ZNF664: variants seen among roughly 807,000 people sequenced by gnomAD.
ZNF664 encodes zinc finger protein 664, also known as zinc finger Organ of Corti 1.
A neutral mutation model predicts 18.2 loss-of-function variants in ZNF664; 10 were observed. That is an observed-to-expected ratio of 0.55 (90% confidence interval 0.34 to 0.93). ZNF664 has a LOEUF of 0.93. Among genes scored for constraint, ZNF664 ranks in the 40% least tolerant of loss-of-function variants. The pLI is 0.02. For missense variants in ZNF664, 193 were observed against 319.0 expected (o/e 0.61, Z 3.01); for synonymous variants, 119 against 104.2 (o/e 1.14, Z -0.86).
chr12:124,011,104 T>G (rs1339588091), intron 3 of ZNF664, among the ~76,000 whole-genome samples: 4 of 152,238 alleles, frequency 2.6e-5, no homozygotes, highest in Non-Finnish European at 1.5e-5. Flanking sequence ...TACTTATTCT[T>G]TCTATAGATT....
chr12:124,003,190 A>G (rs774873594), intron 3 of ZNF664, among the ~76,000 whole-genome samples: 2 of 152,196 alleles, frequency 1.3e-5, no homozygotes, highest in Non-Finnish European at 2.9e-5. Flanking sequence ...GAATGGACCT[A>G]TAGCTAGGAT....
At chr12:123,998,906 CTG>C (rs1157606234) in intron 3 of ZNF664, among the ~76,000 whole-genome samples, 2 of 152,292 alleles carry the variant, frequency 1.3e-5, no homozygotes, top group East Asian at 3.9e-4. Context: ...TCTTCCAAGT[CTG>C]TGTCAGGGTG....
chr12:123,983,438 T>C (rs1956789403), intron 2 of ZNF664, among the ~76,000 whole-genome samples: 1 of 152,246 alleles, frequency 6.6e-6, no homozygotes, highest in African/African-American at 2.4e-5. Context: ...GTAAAGCTAT[T>C]CTAGAACTCA....
chr12:123,985,146 A>C (rs1201525103), intron 2 of ZNF664, among the ~76,000 whole-genome samples: 1 of 151,910 alleles, frequency 6.6e-6, no homozygotes, highest in African/African-American at 2.4e-5. Flanking sequence ...AAGTGAGAAG[A>C]GTGAATTGGT....
At chr12:123,977,885 A>C (rs1032762956) in intron 2 of ZNF664, among the ~76,000 whole-genome samples, 2 of 152,194 alleles carry the variant, frequency 1.3e-5, no homozygotes, top group East Asian at 3.8e-4. Flanking sequence ...CCCTGAGTCT[A>C]AAGAAAATGT....
chr12:124,011,805 C>G lies in ZNF664; in HGVS notation c.-340C>G. On this transcript the variant is annotated 5_prime_UTR_variant, in exon 5 of 5. Coordinates refer to ENST00000337815, the MANE Select transcript of ZNF664 (RefSeq NM_152437.3). ...CTCTACAAGAGGAAGATTCCAGGGG[C>G]TCAAAAACGCAAAGGTTTGCACTTT... The G allele has an allele frequency of 1.8e-6, 2 of 1,115,366 alleles. No individual in the cohort carries two copies. The highest frequency in any genetic ancestry group is 2.2e-6 in the Non-Finnish European group (2 of 917,006). 69.1% of individuals were successfully genotyped at this position (1,115,366 alleles called of 1,614,324 possible).
intron 2 of ZNF664, among the ~76,000 whole-genome samples, chr12:123,984,654 T>C (rs1279594656): frequency 2.0e-4 from 30 of 152,032 alleles, no homozygotes; most frequent in Admixed American, 2.0e-3. Flanking sequence ...GTTCTTTGCC[T>C]GGGAGATCTG....
At chr12:123,978,957 G>C (rs1317713489) in intron 2 of ZNF664, among the ~76,000 whole-genome samples, 2 of 152,242 alleles carry the variant, frequency 1.3e-5, no homozygotes, top group East Asian at 1.9e-4. Flanking sequence ...TATTTAGAAA[G>C]AAAGATCCTA....
At chr12:123,993,297 G>A (rs1240849391) in intron 3 of ZNF664, among the ~76,000 whole-genome samples, 1 of 152,174 alleles carries the variant, frequency 6.6e-6, no homozygotes, top group Non-Finnish European at 1.5e-5. Context: ...GGAATGTGAA[G>A]GGCCTCTTTG....
At chr12:124,007,853 T>G (rs1047728410) in intron 3 of ZNF664, among the ~76,000 whole-genome samples, 1 of 152,218 alleles carries the variant, frequency 6.6e-6, no homozygotes, top group Non-Finnish European at 1.5e-5. Flanking sequence ...TTTTGTTTGT[T>G]TGCTGAAGCA....
At chr12:123,991,770 C>CT (rs1386476924) in intron 3 of ZNF664, among the ~76,000 whole-genome samples, 4 of 152,198 alleles carry the variant, frequency 2.6e-5, no homozygotes, top group Admixed American at 2.6e-4. Flanking sequence ...TGAAGGAAAG[C>CT]TACAGAATGG....
chr12:123,978,153 T>C (rs1169094030), intron 2 of ZNF664, among the ~76,000 whole-genome samples: 1 of 152,034 alleles, frequency 6.6e-6, no homozygotes, highest in African/African-American at 2.4e-5. Context: ...AAATTTATTC[T>C]TTAGGAAGAG....
At chr12:124,000,033 T>G (rs965336296) in intron 3 of ZNF664, among the ~76,000 whole-genome samples, 1 of 152,224 alleles carries the variant, frequency 6.6e-6, no homozygotes, top group African/African-American at 2.4e-5. Context: ...TGATTTCCTT[T>G]AGAAGGAAGG....
At chr12:124,000,827 T>G (rs1434982261) in intron 3 of ZNF664, among the ~76,000 whole-genome samples, 4 of 152,268 alleles carry the variant, frequency 2.6e-5, no homozygotes, top group Middle Eastern at 6.8e-3. Context: ...CCCAGGGCCC[T>G]CTTCCCTTTT....
chr12:124,012,381 A>G lies in ZNF664; in HGVS notation c.237A>G (p.Lys79=). The G allele has an allele frequency of 6.2e-7, 1 of 1,614,234 alleles. No homozygotes were observed. Among genetic ancestry groups the G allele is most frequent in the Non-Finnish European group, 8.5e-7 (1 of 1,180,038 alleles). The part of the protein sequence containing the change: ...STTTKLNRHK[K]IHTVEKPYKC... ...CAACAAAACTTAATAGACATAAGAA[A>G]ATCCACACAGTGGAGAAGCCCTATA... is the stretch of plus-strand genomic sequence containing the variant. The change falls in exon 5 of 5, where the codon AAA becomes AAG. Residue 79 remains lysine (K), a synonymous_variant. Transcript: ENST00000337815.
chr12:123,977,401 A>G (rs1566193208), intron 2 of ZNF664, among the ~76,000 whole-genome samples: 1 of 148,550 alleles, frequency 6.7e-6, no homozygotes, highest in Non-Finnish European at 1.5e-5. Flanking sequence ...ATGTATTAGT[A>G]TATGTATAAA....
rs577546319 is a variant in ZNF664 at position 123,985,270 on chromosome 12, A to G, written c.-756-2773A>G. Among the ~76,000 whole-genome samples, 14 of 152,342 alleles carry G rather than the reference A, an allele frequency of 9.2e-5. 1 individual carries two copies. In the South Asian group the frequency reaches 2.9e-3, roughly 32 times the overall value. The stretch of plus-strand genomic sequence containing the variant: ...TTATTTTTGCTTTTTTGTTTTTAAC[A>G]CCATCATCTCAGAATATAAGATCTA... On this transcript the variant is annotated intron_variant, in intron 2 of 4. Transcript: ENST00000337815.
intron 1 of ZNF664, 36 bp from the exon 2 acceptor site, chr12:123,973,850 A>G: frequency 8.6e-7 from 1 of 1,163,028 alleles, no homozygotes; most frequent in Non-Finnish European, 1.1e-6. Context: ...GCGGCTGCGG[A>G]GGAGCCGGCT....
At chr12:123,973,865 G>T (rs1425496858) in intron 1 of ZNF664, 21 bp from the exon 2 acceptor site, 1 of 1,231,876 alleles carries the variant, frequency 8.1e-7, no homozygotes, top group South Asian at 4.1e-5. Flanking sequence ...CCGGCTGCAT[G>T]GGGTGCTGTG....
Sources: gnomAD v4.1 joint callset for allele counts (sites outside exome capture counted in the v4.1 genomes callset) on GRCh38, gnomAD v4.1.1 for gene constraint, MANE v1.5 for transcripts, NCBI Gene and HGNC (gene_info 2026-07-23, HGNC 2026-07-21) for gene names.